Variants in GSKIP observed in about 807,000 individuals in gnomAD.
GSKIP encodes GSK3B interacting protein.
Under a neutral mutation model 11.9 loss-of-function variants are expected in GSKIP, and 5 were observed. That is an observed-to-expected ratio of 0.42 (90% CI 0.22 to 0.89). The LOEUF (loss-of-function observed/expected upper bound fraction) is 0.89. Among genes scored for constraint, GSKIP ranks in the 40% least tolerant of loss-of-function variants. GSKIP has a pLI of 0.29. For missense variants in GSKIP, 150 were observed against 166.6 expected (o/e 0.90, Z 0.55); for synonymous variants, 70 against 62.9 (o/e 1.11, Z -0.54).
intron 2 of GSKIP, among the ~76,000 whole-genome samples, chr14:96,381,073 C>A (rs571817474): frequency 6.6e-6 from 1 of 152,272 alleles, no homozygotes; most frequent in South Asian, 2.1e-4. Context: ...TAAAACCTGC[C>A]AAGCAAAAAG....
chr14:96,372,004 G>A (rs1889062118), intron 1 of GSKIP, among the ~76,000 whole-genome samples: 2 of 152,150 alleles, frequency 1.3e-5, no homozygotes, highest in Non-Finnish European at 2.9e-5. Flanking sequence ...CCTTTTAGAG[G>A]CAAAGGAAAC....
chr14:96,373,489 AAT>A, intron 1 of GSKIP, among the ~76,000 whole-genome samples: 1 of 152,298 alleles, frequency 6.6e-6, no homozygotes, highest in Non-Finnish European at 1.5e-5. Flanking sequence ...CAAAAAGGAA[AAT>A]GTCTTACTGA....
chr14:96,381,204 T>G (rs1030937684), intron 2 of GSKIP, among the ~76,000 whole-genome samples: 1 of 152,208 alleles, frequency 6.6e-6, no homozygotes, highest in Admixed American at 6.5e-5. Context: ...GCCAGGAAGA[T>G]CTTTTTTAAC....
chr14:96,367,298 A>G (rs1200018249), intron 1 of GSKIP, among the ~76,000 whole-genome samples: 1 of 152,210 alleles, frequency 6.6e-6, no homozygotes, highest in African/African-American at 2.4e-5. Flanking sequence ...GTCCCAGAGT[A>G]AATTAAGTGG....
At chr14:96,384,925 T>C (rs1342427366) in intron 3 of GSKIP, 1 of 152,054 alleles carries the variant, frequency 6.6e-6, no homozygotes, top group Non-Finnish European at 1.5e-5. Context: ...AGATTACTAA[T>C]AATAAAGCTA....
chr14:96,378,953 A>G (rs1309592191), intron 1 of GSKIP: 1 of 152,264 alleles, frequency 6.6e-6, no homozygotes, highest in Non-Finnish European at 1.5e-5. Flanking sequence ...TGCTTGGGCT[A>G]GTGGCCCCAT....
At chr14:96,376,556 C>T (rs1031772750) in intron 1 of GSKIP, among the ~76,000 whole-genome samples, 4 of 152,210 alleles carry the variant, frequency 2.6e-5, no homozygotes, top group East Asian at 1.9e-4. Flanking sequence ...ATGAGACCTC[C>T]GTAAGACCAA....
intron 1 of GSKIP, among the ~76,000 whole-genome samples, chr14:96,375,345 C>T (rs1889167976): frequency 6.6e-6 from 1 of 152,024 alleles, no homozygotes; most frequent in African/African-American, 2.4e-5. Context: ...TGTAAGTGGT[C>T]TGAACACCCT....
At chr14:96,382,120 T>C in intron 2 of GSKIP, 127 bp from the exon 3 acceptor site, 1 of 584,108 alleles carries the variant, frequency 1.7e-6, no homozygotes, top group Non-Finnish European at 2.8e-6. Context: ...GTATTTTTCC[T>C]AACAATTGTT....
chr14:96,379,994 A>T (rs1381300483), intron 2 of GSKIP: 1 of 152,188 alleles, frequency 6.6e-6, no homozygotes, highest in East Asian at 1.9e-4. Flanking sequence ...AAAACTATGT[A>T]AAAAAGAAAG....
At chr14:96,366,520 A>G (rs1888888510) in intron 1 of GSKIP, among the ~76,000 whole-genome samples, 1 of 152,212 alleles carries the variant, frequency 6.6e-6, no homozygotes, top group Admixed American at 6.5e-5. Flanking sequence ...CTCAAATCAC[A>G]GTGCCATTTT....
At position 96,385,734 on chromosome 14, in the gene GSKIP, T is replaced by C. The variant is rs1545280; in HGVS notation, c.*50T>C. 0.41 allele frequency: 593,995 copies of C among 1,450,678 alleles called. 128,162 individuals carry two copies. Among genetic ancestry groups the C allele is most frequent in the Non-Finnish European group, 0.45 (480,794 of 1,071,464 alleles). 89.9% of individuals were successfully genotyped at this position (1,450,678 alleles called of 1,614,324 possible). ...CTGGTGCTGGTACAGAATGTTGATATAAAGCTTAAAATTCTTGCATATGGT... is the reference window on the plus strand; with the variant it reads ...CTGGTGCTGGTACAGAATGTTGATACAAAGCTTAAAATTCTTGCATATGGT... On this transcript the variant is annotated 3_prime_UTR_variant, in exon 4 of 4. Coordinates refer to ENST00000555181, the MANE Select transcript of GSKIP (RefSeq NM_016472.5).
intron 1 of GSKIP, among the ~76,000 whole-genome samples, chr14:96,375,781 G>A (rs1889184402): frequency 1.3e-5 from 2 of 152,176 alleles, no homozygotes; most frequent in South Asian, 2.1e-4. Flanking sequence ...AAGGTAGAGG[G>A]GTCACATTTG....
intron 1 of GSKIP, among the ~76,000 whole-genome samples, chr14:96,378,747 A>G (rs542083873): frequency 6.6e-6 from 1 of 152,232 alleles, no homozygotes; most frequent in Non-Finnish European, 1.5e-5. Context: ...TAGGGCTGTT[A>G]TAGAGCTAAA....
Position 96,385,969 on chromosome 14 carries a change from A to G in GSKIP, c.*285A>G. On this transcript the variant is annotated 3_prime_UTR_variant, in exon 4 of 4. Coordinates refer to ENST00000555181, the MANE Select transcript of GSKIP (RefSeq NM_016472.5). ...ATCCTAATCACTATTTCATACTATTACAGGGCTTTGATGCTGCCAGCACTG... is the reference window on the plus strand; with the variant it reads ...ATCCTAATCACTATTTCATACTATTGCAGGGCTTTGATGCTGCCAGCACTG... The G allele has an allele frequency of 3.5e-6, 1 of 285,228 alleles. No individual in the cohort carries two copies. The highest frequency in any genetic ancestry group is 6.7e-6 in the Non-Finnish European group (1 of 148,510). 17.7% of individuals were successfully genotyped at this position (285,228 alleles called of 1,614,324 possible).
intron 1 of GSKIP, among the ~76,000 whole-genome samples, chr14:96,367,294 G>C (rs1888913166): frequency 1.3e-5 from 2 of 152,154 alleles, no homozygotes; most frequent in South Asian, 4.1e-4. Flanking sequence ...CCAAGTCCCA[G>C]AGTAAATTAA....
rs138744071 is a variant in GSKIP at position 96,384,955 on chromosome 14, A to G, written c.259-568A>G. 2.8e-3 allele frequency: 429 copies of G among 152,252 alleles called. 3 individuals carry two copies. Among genetic ancestry groups the G allele is most frequent in the African/African-American group, 9.8e-3 (407 of 41,572 alleles). The allele number at this position is 152,252 out of a possible 1,614,324, so 9.4% of individuals were successfully genotyped here. On this transcript the variant is annotated intron_variant, in intron 3 of 3. Coordinates refer to ENST00000555181, the MANE Select transcript of GSKIP (RefSeq NM_016472.5). ...AAGCTAAACAGTTATTAAAACTAATAAACTATTAAACCAATTATTAATAAA... is the reference window on the plus strand; with the variant it reads ...AAGCTAAACAGTTATTAAAACTAATGAACTATTAAACCAATTATTAATAAA...
At position 96,382,242 on chromosome 14, in the gene GSKIP, T is replaced by TA. The variant is rs1555373773; in HGVS notation, c.-1-4dup. ...TTTTATAACTGCTTTTTTTTTTTTT[T>TA]ACAGAATGGAAACAGACTGTAATCC... is the stretch of plus-strand genomic sequence containing the variant. On this transcript the variant is annotated splice_polypyrimidine_tract_variant and splice_region_variant and intron_variant, in intron 2 of 3. Transcript: ENST00000555181. 5.2e-6 allele frequency: 8 copies of TA among 1,526,142 alleles called. No homozygotes were observed. The Admixed American group carries it at 1.5e-4, about 30-fold the overall frequency. 94.5% of individuals were successfully genotyped at this position (1,526,142 alleles called of 1,614,324 possible).
chr14:96,375,523 T>A (rs900152533), intron 1 of GSKIP, among the ~76,000 whole-genome samples: 1 of 150,648 alleles, frequency 6.6e-6, no homozygotes, highest in Admixed American at 6.7e-5. Flanking sequence ...AACCTCCGCC[T>A]CCCAGGTTCA....
Sources: allele counts gnomAD v4.1 joint callset (sites outside exome capture counted in the v4.1 genomes callset), GRCh38; gene constraint gnomAD v4.1.1; transcripts MANE v1.5; gene names NCBI Gene and HGNC (gene_info 2026-07-23, HGNC 2026-07-21).